The following NDUFA7 variants were observed in gnomAD, a reference collection of about 807,000 sequenced individuals.
NDUFA7 encodes the protein NADH dehydrogenase [ubiquinone] 1 alpha subcomplex subunit 7.
In NDUFA7, 18 loss-of-function variants were observed where a neutral mutation model predicts 14.2. That is an observed-to-expected ratio of 1.27 (90% confidence interval 0.88 to 1.88). The LOEUF (loss-of-function observed/expected upper bound fraction) is 1.88, where lower values mean the gene tolerates loss of function less well. Ranked by LOEUF, NDUFA7 falls within the 40% of genes most tolerant of loss-of-function variation. The pLI, the probability that NDUFA7 is intolerant of heterozygous loss-of-function variation, is 0.00. For synonymous variants in NDUFA7, 75 were observed against 62.1 expected, an observed-to-expected ratio of 1.21 and a Z score of -0.98; for missense variants, 172 against 147.3, an observed-to-expected ratio of 1.17 and a Z score of -0.87.
downstream of NDUFA7, among the ~76,000 whole-genome samples, chr19:8,309,808 G>A (rs868564449): frequency 1.3e-5 from 2 of 152,156 alleles, no homozygotes; most frequent in Non-Finnish European, 2.9e-5. Context: ...GTGCCCTGGG[G>A]AAGCCATGAC....
chr19:8,316,055 C>T (rs572667543), intron 3 of NDUFA7, among the ~76,000 whole-genome samples: 6 of 147,960 alleles, frequency 4.1e-5, no homozygotes, highest in Non-Finnish European at 8.9e-5. Context: ...GAGGCTGAGG[C>T]AGAGAATCGC....
intron 2 of NDUFA7, among the ~76,000 whole-genome samples, chr19:8,317,444 G>T (rs1396000192): frequency 6.6e-6 from 1 of 152,078 alleles, no homozygotes; most frequent in Admixed American, 6.6e-5. Context: ...GGGAGGCAGA[G>T]GTTGCAGTGA....
intron 3 of NDUFA7, among the ~76,000 whole-genome samples, chr19:8,315,704 G>T (rs994155653): frequency 2.0e-5 from 3 of 152,024 alleles, no homozygotes; most frequent in African/African-American, 7.2e-5. Context: ...CTGGTCCCCT[G>T]GTCACCCGAT....
At chr19:8,309,817 A>T (rs2145386577), downstream of NDUFA7, among the ~76,000 whole-genome samples, 1 of 152,198 alleles carries the variant, frequency 6.6e-6, no homozygotes, top group Middle Eastern at 3.4e-3. Flanking sequence ...GGAAGCCATG[A>T]CACTCCCCTG....
chr19:8,314,125 C>T (rs1225258875), intron 3 of NDUFA7, among the ~76,000 whole-genome samples: 1 of 151,952 alleles, frequency 6.6e-6, no homozygotes, highest in Non-Finnish European at 1.5e-5. Flanking sequence ...AGTTCAAGAC[C>T]GGCCTGACCA....
chr19:8,318,350 A>G (rs368626994), intron 2 of NDUFA7, among the ~76,000 whole-genome samples: 4 of 150,988 alleles, frequency 2.6e-5, no homozygotes, highest in South Asian at 4.2e-4. Context: ...GGTTTTCACT[A>G]TGTTGGCCAG....
chr19:8,316,627 CT>C lies in NDUFA7; in HGVS notation c.119del (p.Lys40SerfsTer48), dbSNP rs768933004. 24 of 1,614,088 alleles carry C rather than the reference CT, an allele frequency of 1.5e-5. No homozygotes were observed. Among genetic ancestry groups the C allele is most frequent in the Middle Eastern group, 1.7e-4 (1 of 6,058 alleles). ...EISKRTQPPP[K>X]LPVGPSHKLS... is the part of the protein sequence containing the mutation. ...GCTTGTGGCTAGGACCCACAGGGAG[CT>C]TGGGAGGAGGCTGAGTTCTGAGGGG... On this transcript the variant is annotated frameshift_variant, in exon 3 of 4. Coordinates refer to ENST00000301457, the MANE Select transcript of NDUFA7 (RefSeq NM_005001.5). LOFTEE classifies it high-confidence loss of function.
intron 3 of NDUFA7, 79 bp from the exon 4 acceptor site, chr19:8,311,674 G>A: frequency 1.6e-6 from 2 of 1,223,200 alleles, no homozygotes; most frequent in Non-Finnish European, 2.3e-6. Flanking sequence ...CCTGCCCCGG[G>A]ACAAACACAC....
intron 3 of NDUFA7, among the ~76,000 whole-genome samples, chr19:8,313,113 G>C (rs1970196613): frequency 6.6e-6 from 1 of 151,064 alleles, no homozygotes; most frequent in Non-Finnish European, 1.5e-5. Context: ...ATTTCTAATA[G>C]AGACGGGGTC....
chr19:8,309,195 C>G (rs1970144160), downstream of NDUFA7, among the ~76,000 whole-genome samples: 1 of 151,996 alleles, frequency 6.6e-6, no homozygotes, highest in Non-Finnish European at 1.5e-5. Flanking sequence ...GAAAAGTTGG[C>G]CGGCGCGCTG....
At chr19:8,312,557 T>C (rs1970190554) in intron 3 of NDUFA7, among the ~76,000 whole-genome samples, 1 of 152,192 alleles carries the variant, frequency 6.6e-6, no homozygotes, top group Non-Finnish European at 1.5e-5. Flanking sequence ...CTCAGTTCAC[T>C]GCAACGTCCG....
intron 2 of NDUFA7, 66 bp from the exon 3 acceptor site, chr19:8,316,711 CCT>C (rs3214554): frequency 0.19 from 305,091 of 1,564,860 alleles, 31,975 homozygotes; most frequent in Non-Finnish European, 0.22. Context: ...GCTGTGGGCC[CCT>C]GTCACCTCAG....
intron 3 of NDUFA7, among the ~76,000 whole-genome samples, chr19:8,315,875 C>T (rs1369583746): frequency 6.6e-6 from 1 of 151,894 alleles, no homozygotes; most frequent in Non-Finnish European, 1.5e-5. Flanking sequence ...ACAAAACAGG[C>T]CAGGCACGGT....
At chr19:8,321,072 A>C (rs1970301061) in intron 1 of NDUFA7, 166 bp from the exon 2 acceptor site, 3 of 882,090 alleles carry the variant, frequency 3.4e-6, no homozygotes, top group Non-Finnish European at 5.2e-6. Context: ...GCAAAGCCAG[A>C]GTCCGGGCCC....
At chr19:8,309,580 C>T (rs1970150684), downstream of NDUFA7, among the ~76,000 whole-genome samples, 1 of 151,996 alleles carries the variant, frequency 6.6e-6, no homozygotes, top group Admixed American at 6.6e-5. Flanking sequence ...CCTGCCTAGT[C>T]TTTCCTTCCC....
intron 2 of NDUFA7, 50 bp from the exon 3 acceptor site, chr19:8,316,695 G>A: frequency 6.3e-7 from 1 of 1,595,550 alleles, no homozygotes; most frequent in Non-Finnish European, 8.6e-7. Context: ...TCACTGTCAT[G>A]GCCCCGCTGT....
chr19:8,320,859 C>T lies in NDUFA7; in HGVS notation c.99G>A (p.Lys33=). ...KLQLRYQEIS[K]RTQPPPKLPV... ...GGCAGCGAGCGGGGCCTGCTCACCG[C>T]TTGGAGATCTCCTGGTAGCGTAGCT... The change falls in exon 2 of 4, where the codon AAG becomes AAA. Residue 33 remains lysine (K), a splice_region_variant and synonymous_variant. Transcript: ENST00000301457. 6.2e-7 allele frequency: 1 copy of T among 1,613,712 alleles called. No individual in the cohort carries two copies.
chr19:8,315,731 T>TA (rs1432889658), intron 3 of NDUFA7, among the ~76,000 whole-genome samples: 2 of 152,088 alleles, frequency 1.3e-5, no homozygotes, highest in Non-Finnish European at 2.9e-5. Flanking sequence ...CTCTATACTT[T>TA]GTCTGTGTCT....
intron 3 of NDUFA7, among the ~76,000 whole-genome samples, 169 bp downstream of exon 3, chr19:8,316,327 A>C (rs1427459404): frequency 6.6e-6 from 1 of 152,062 alleles, no homozygotes; most frequent in Non-Finnish European, 1.5e-5. Context: ...TCTGTCTCTA[A>C]AAACGAGTAA....
Sources: allele counts gnomAD v4.1 joint callset (sites outside exome capture counted in the v4.1 genomes callset), GRCh38; gene constraint gnomAD v4.1.1; transcripts MANE v1.5; gene names NCBI Gene and HGNC (gene_info 2026-07-23, HGNC 2026-07-21).